Variants in TMED3 observed in about 807,000 individuals in gnomAD.
The protein encoded by TMED3 is transmembrane p24 trafficking protein 3.
A neutral mutation model predicts 15.0 loss-of-function variants in TMED3; 9 were observed. That is an observed-to-expected ratio of 0.60 (90% CI 0.36 to 1.04). The LOEUF (loss-of-function observed/expected upper bound fraction) is 1.04. TMED3 is among the 50% of genes least tolerant of loss of function. The pLI, the probability that TMED3 is intolerant of heterozygous loss-of-function variation, is 0.01. For missense variants in TMED3, 267 were observed against 278.9 expected (o/e 0.96, Z 0.30); for synonymous variants, 117 against 121.4 (o/e 0.96, Z 0.24).
chr15:79,329,313 A>G (rs146491800), intron 2 of TMED3, among the ~76,000 whole-genome samples: 44 of 152,298 alleles, frequency 2.9e-4, no homozygotes, highest in African/African-American at 9.6e-4. Flanking sequence ...GGATACAACA[A>G]ATGGATACAA....
At chr15:79,384,699 A>C (rs1439051816) in intron 2 of TMED3, 1 of 152,152 alleles carries the variant, frequency 6.6e-6, no homozygotes, top group Non-Finnish European at 1.5e-5. Flanking sequence ...AATCAAATAA[A>C]ATTTGACCTT....
At chr15:79,331,542 C>CAAAAAAAAAAAAAAAAAAAAAAGA (rs71451761) in intron 2 of TMED3, among the ~76,000 whole-genome samples, 1 of 89,288 alleles carries the variant, frequency 1.1e-5, no homozygotes, top group African/African-American at 4.9e-5. Context: ...GCAAAAGAAG[C>CAAAAAAAAAAAAAAAAAAAAAAGA]AAAAAAAAAA....
At chr15:79,356,457 A>G (rs1296044232) in intron 2 of TMED3, among the ~76,000 whole-genome samples, 1 of 152,254 alleles carries the variant, frequency 6.6e-6, no homozygotes, top group Non-Finnish European at 1.5e-5. Flanking sequence ...CACATGCTAG[A>G]CACTGTCCTA....
At chr15:79,350,595 G>T (rs913778345) in intron 2 of TMED3, among the ~76,000 whole-genome samples, 1 of 152,136 alleles carries the variant, frequency 6.6e-6, no homozygotes. Flanking sequence ...TTCTAGCTGT[G>T]CTGGGAGCTG....
At chr15:79,378,631 G>A (rs1349829802) in intron 2 of TMED3, among the ~76,000 whole-genome samples, 1 of 152,146 alleles carries the variant, frequency 6.6e-6, no homozygotes, top group Non-Finnish European at 1.5e-5. Context: ...TGCTTTCTAG[G>A]GAGGACTTTC....
intron 2 of TMED3, among the ~76,000 whole-genome samples, chr15:79,375,259 A>G (rs189473192): frequency 1.0e-3 from 157 of 152,168 alleles, no homozygotes; most frequent in African/African-American, 3.6e-3. Flanking sequence ...CAGGCCACCA[A>G]TTAGCACAAT....
chr15:79,348,143 A>G (rs1791160053), intron 2 of TMED3, among the ~76,000 whole-genome samples: 1 of 152,150 alleles, frequency 6.6e-6, no homozygotes, highest in African/African-American at 2.4e-5. Flanking sequence ...GCATTAAATC[A>G]TTAACCCTCA....
intron 1 of TMED3, 99 bp from the exon 2 acceptor site, chr15:79,313,658 G>A (rs930346534): frequency 2.8e-6 from 4 of 1,449,644 alleles, no homozygotes; most frequent in African/African-American, 1.4e-5. Context: ...TGAAGATGAA[G>A]TGACAGAAAT....
At chr15:79,410,663 A>G (rs905604977) in intron 2 of TMED3, among the ~76,000 whole-genome samples, 4 of 151,648 alleles carry the variant, frequency 2.6e-5, no homozygotes, top group African/African-American at 9.7e-5. Flanking sequence ...AAAATAAGAT[A>G]CATGTGAAAT....
At chr15:79,392,008 A>C (rs1272085240) in intron 2 of TMED3, among the ~76,000 whole-genome samples, 1 of 152,064 alleles carries the variant, frequency 6.6e-6, no homozygotes, top group African/African-American at 2.4e-5. Context: ...AAGGCAGAAG[A>C]TAGTTTGTTG....
intron 2 of TMED3, among the ~76,000 whole-genome samples, chr15:79,347,987 C>G (rs186311855): frequency 5.1e-4 from 78 of 152,224 alleles, no homozygotes; most frequent in Non-Finnish European, 1.5e-5. Flanking sequence ...TGAAAAAACA[C>G]TAGATTGTCC....
chr15:79,352,584 T>A (rs1376723961), intron 2 of TMED3, among the ~76,000 whole-genome samples: 1 of 150,922 alleles, frequency 6.6e-6, no homozygotes, highest in Non-Finnish European at 1.5e-5. Flanking sequence ...AAAATAGAAG[T>A]CTTAATTTTG....
intron 2 of TMED3, among the ~76,000 whole-genome samples, chr15:79,360,253 G>T (rs1391041549): frequency 6.6e-6 from 1 of 152,116 alleles, no homozygotes; most frequent in Non-Finnish European, 1.5e-5. Flanking sequence ...GTTGAGCTGG[G>T]TGTGGGGTGG....
chr15:79,338,817 A>G (rs1482934407), intron 2 of TMED3, among the ~76,000 whole-genome samples: 2 of 152,178 alleles, frequency 1.3e-5, no homozygotes, highest in Non-Finnish European at 2.9e-5. Flanking sequence ...TAATGCCAGC[A>G]TCTGGGAAGA....
At chr15:79,314,760 G>A (rs1271622149) in intron 2 of TMED3, 1 of 276,044 alleles carries the variant, frequency 3.6e-6, no homozygotes, top group African/African-American at 2.2e-5. Context: ...ATTTTGGGGG[G>A]ATAGTCATGT....
At chr15:79,337,509 G>A (rs1347155720) in intron 2 of TMED3, among the ~76,000 whole-genome samples, 1 of 152,204 alleles carries the variant, frequency 6.6e-6, no homozygotes, top group Non-Finnish European at 1.5e-5. Context: ...AACAGACAGT[G>A]TTAGATAAAT....
intron 2 of TMED3, among the ~76,000 whole-genome samples, chr15:79,349,933 T>C (rs1214978546): frequency 6.6e-6 from 1 of 152,252 alleles, no homozygotes; most frequent in East Asian, 1.9e-4. Context: ...ACTCACTTAC[T>C]CTGTATCCAG....
intron 2 of TMED3, among the ~76,000 whole-genome samples, chr15:79,318,485 T>C (rs1245739605): frequency 1.3e-5 from 2 of 152,070 alleles, no homozygotes; most frequent in Non-Finnish European, 2.9e-5. Context: ...CTATCCTGAG[T>C]CCCCCAGCCC....
intron 2 of TMED3, among the ~76,000 whole-genome samples, chr15:79,363,751 T>C (rs1048683501): frequency 5.3e-5 from 8 of 152,338 alleles, no homozygotes; most frequent in African/African-American, 1.7e-4. Flanking sequence ...ATTTTTGTAC[T>C]CTAAACTCCT....
Sources: gnomAD v4.1 joint callset for allele counts (sites outside exome capture counted in the v4.1 genomes callset) on GRCh38, gnomAD v4.1.1 for gene constraint, MANE v1.5 for transcripts, NCBI Gene and HGNC (gene_info 2026-07-23, HGNC 2026-07-21) for gene names.